The following CHRDL2 variants were observed in gnomAD, a reference collection of about 807,000 sequenced individuals.
CHRDL2 encodes the protein chordin like 2.
A neutral mutation model predicts 54.3 loss-of-function variants in CHRDL2; 41 were observed. The observed-to-expected ratio is 0.76, with a 90% CI of 0.59 to 0.98. The LOEUF is 0.98. Ranked by LOEUF, CHRDL2 falls within the 50% of genes least tolerant of loss-of-function variation. CHRDL2 has a pLI of 0.00. For missense variants in CHRDL2, 518 were observed against 562.4 expected (o/e 0.92, Z 0.80); for synonymous variants, 220 against 224.3 (o/e 0.98, Z 0.17).
At chr11:74,718,913 C>G in intron 1 of CHRDL2, 81 bp from the exon 2 acceptor site, 2 of 868,270 alleles carry the variant, frequency 2.3e-6, no homozygotes, top group East Asian at 2.7e-5. Flanking sequence ...CTTTCTAGCT[C>G]TAAAAGAGAT....
chr11:74,716,426 T>C (rs966477653), intron 2 of CHRDL2, among the ~76,000 whole-genome samples: 1 of 151,706 alleles, frequency 6.6e-6, no homozygotes, highest in Admixed American at 6.6e-5. Context: ...TCCCAGCTAC[T>C]TGGGAGGCTG....
chr11:74,700,392 T>C (rs2033760799), intron 9 of CHRDL2, among the ~76,000 whole-genome samples: 1 of 152,140 alleles, frequency 6.6e-6, no homozygotes, highest in Admixed American at 6.5e-5. Context: ...TTAGTGACAC[T>C]ATCTGTTCAT....
At chr11:74,714,951 T>C (rs1031073318) in intron 2 of CHRDL2, among the ~76,000 whole-genome samples, 2 of 152,166 alleles carry the variant, frequency 1.3e-5, no homozygotes, top group African/African-American at 4.8e-5. Context: ...TAGCCTCCAT[T>C]TATTGAGTGG....
At chr11:74,719,164 A>C in intron 1 of CHRDL2, 1 of 208,358 alleles carries the variant, frequency 4.8e-6, no homozygotes, top group Non-Finnish European at 9.5e-6. Context: ...GATTAGACAA[A>C]TGAGGCCCAG....
rs149253157 is a variant in CHRDL2, at chr11:74,697,347, G to A, written c.1121-50C>T. On this transcript the variant is annotated intron_variant, in intron 9 of 10. Transcript: ENST00000376332. ...GCAGGCAAGGCAAAAACCTACAGTC[G>A]GTGAAAAGTGAAACAGGGTGACTTA... 308 of 1,369,780 alleles carry A rather than the reference G, an allele frequency of 2.2e-4. No homozygotes were observed. In the African/African-American group the frequency reaches 3.2e-3, roughly 14 times the overall value. The allele number at this position is 1,369,780 out of a possible 1,614,324, so 84.9% of individuals were successfully genotyped here.
chr11:74,702,053 A>G (rs1252841521), intron 9 of CHRDL2, among the ~76,000 whole-genome samples: 2 of 152,136 alleles, frequency 1.3e-5, no homozygotes, highest in African/African-American at 4.8e-5. Context: ...CAGGAGTTCC[A>G]GACTAGCCTG....
chr11:74,723,612 G>A (rs2034529606), intron 1 of CHRDL2, among the ~76,000 whole-genome samples: 1 of 152,148 alleles, frequency 6.6e-6, no homozygotes. Context: ...GTGCTTTGGT[G>A]CCATTATGAA....
Position 74,710,992 on chromosome 11 carries a change from C to A in CHRDL2, c.290-1G>T. 1 of 1,611,696 alleles carries A rather than the reference C, an allele frequency of 6.2e-7. No individual in the cohort carries two copies. Among genetic ancestry groups the A allele is most frequent in the African/African-American group, 1.3e-5 (1 of 74,956 alleles). The stretch of plus-strand genomic sequence containing the variant: ...CGGAGTCCAGAGGGAGTGTGAGGTT[C>A]TGCAGTGGGGGAGGGGCAGGAGGAA... On this transcript the variant is annotated splice_acceptor_variant, in intron 3 of 10. Coordinates refer to ENST00000376332, the MANE Select transcript of CHRDL2 (RefSeq NM_001278473.3). LOFTEE classifies it high-confidence loss of function.
At chr11:74,711,872 C>T (rs147191151) in intron 3 of CHRDL2, among the ~76,000 whole-genome samples, 2,198 of 151,654 alleles carry the variant, frequency 0.014, 47 homozygotes, top group African/African-American at 0.051. Flanking sequence ...TGCAGTGGCA[C>T]GATCTCAGCT....
chr11:74,726,705 C>CCGGGCT (rs2034576716), intron 1 of CHRDL2, among the ~76,000 whole-genome samples: 1 of 152,168 alleles, frequency 6.6e-6, no homozygotes, highest in African/African-American at 2.4e-5. Context: ...GCAGCTGTTG[C>CCGGGCT]CGGGCTCAGG....
At position 74,703,500 on chromosome 11, in the gene CHRDL2, C is replaced by T. The variant is rs2033904015; in HGVS notation, c.752-1G>A. On this transcript the variant is annotated splice_acceptor_variant, in intron 7 of 10. Coordinates refer to ENST00000376332, the MANE Select transcript of CHRDL2 (RefSeq NM_001278473.3). LOFTEE classifies it high-confidence loss of function. The stretch of plus-strand genomic sequence containing the variant: ...TACGTCTTCCCGCCATGCACACAGG[C>T]TGAATAAGGAGGGTGAGAAGGAAGG... 1.3e-6 allele frequency: 2 copies of T among 1,585,602 alleles called. No individual in the cohort carries two copies. Among genetic ancestry groups the T allele is most frequent in the Non-Finnish European group, 1.7e-6 (2 of 1,162,860 alleles).
chr11:74,723,574 C>T (rs1224198307), intron 1 of CHRDL2, among the ~76,000 whole-genome samples: 2 of 152,144 alleles, frequency 1.3e-5, no homozygotes, highest in Non-Finnish European at 2.9e-5. Context: ...TTCTCTTTGG[C>T]ATATCCAAAT....
chr11:74,709,895 CG>C (rs1212360489), intron 4 of CHRDL2, among the ~76,000 whole-genome samples: 1 of 152,142 alleles, frequency 6.6e-6, no homozygotes, highest in Non-Finnish European at 1.5e-5. Context: ...TGCCAATTCA[CG>C]GATGAGTTGC....
intron 9 of CHRDL2, among the ~76,000 whole-genome samples, chr11:74,701,799 C>T (rs576222683): frequency 3.7e-4 from 57 of 152,202 alleles, no homozygotes; most frequent in Non-Finnish European, 2.9e-5. Flanking sequence ...CTCTTCCACC[C>T]CCACCCCGCC....
At chr11:74,711,504 A>G (rs1352058704) in intron 3 of CHRDL2, among the ~76,000 whole-genome samples, 1 of 152,020 alleles carries the variant, frequency 6.6e-6, no homozygotes, top group Non-Finnish European at 1.5e-5. Context: ...CCCCCTCCCC[A>G]TCACCTGCCC....
chr11:74,696,843 C>A (rs7950531), intron 10 of CHRDL2, among the ~76,000 whole-genome samples: 82,077 of 151,988 alleles, frequency 0.54, 24,250 homozygotes, highest in Non-Finnish European at 0.67. Flanking sequence ...GACCTCCCCT[C>A]CCCGACCTGA....
At chr11:74,704,801 A>G in intron 6 of CHRDL2, 147 bp from the exon 7 acceptor site, 1 of 747,592 alleles carries the variant, frequency 1.3e-6, no homozygotes, top group Non-Finnish European at 2.2e-6. Context: ...CCAGGGATAG[A>G]AAGATCTGGA....
chr11:74,720,027 G>A (rs1661608836), intron 1 of CHRDL2, among the ~76,000 whole-genome samples: 1 of 152,182 alleles, frequency 6.6e-6, no homozygotes, highest in Non-Finnish European at 1.5e-5. Flanking sequence ...GGAGGAACTG[G>A]GAGGCTCAGC....
At chr11:74,711,137 A>T (rs1393888381) in intron 3 of CHRDL2, 146 bp from the exon 4 acceptor site, 9 of 892,452 alleles carry the variant, frequency 1.0e-5, no homozygotes, top group Non-Finnish European at 1.5e-5. Context: ...CTTGCCAGCC[A>T]TTCCCCTTAT....
Sources: allele counts gnomAD v4.1 joint callset (sites outside exome capture counted in the v4.1 genomes callset), GRCh38; gene constraint gnomAD v4.1.1; transcripts MANE v1.5; gene names NCBI Gene and HGNC (gene_info 2026-07-23, HGNC 2026-07-21).